The following PXT1 variants were observed in gnomAD, a reference collection of about 807,000 sequenced individuals.
The protein encoded by PXT1 is peroxisomal testis enriched protein 1.
PXT1 carries 11 observed loss-of-function variants against 11.0 expected under a neutral mutation model. The ratio of observed to expected loss-of-function variants is 1.00; its 90% confidence interval spans 0.63 to 1.66. The LOEUF is 1.66. Ranked by LOEUF, PXT1 falls within the 40% of genes most tolerant of loss-of-function variation. The probability of loss-of-function intolerance (pLI) is 0.00; values close to 1 mark genes in which losing one functional copy is unlikely to be tolerated. For synonymous variants in PXT1, 43 were observed against 51.4 expected (o/e 0.84, Z 0.70); for missense variants, 141 against 155.5 (o/e 0.91, Z 0.49).
At chr6:36,417,635 G>A (rs1774468203) in intron 3 of PXT1, among the ~76,000 whole-genome samples, 1 of 151,066 alleles carries the variant, frequency 6.6e-6, no homozygotes, top group Non-Finnish European at 1.5e-5. Flanking sequence ...GGGCGTGGTG[G>A]TGTACGCCTG....
At chr6:36,395,725 C>T (rs1297279367) in intron 4 of PXT1, among the ~76,000 whole-genome samples, 2 of 151,992 alleles carry the variant, frequency 1.3e-5, no homozygotes, top group Non-Finnish European at 2.9e-5. Flanking sequence ...CTAGGCTGAG[C>T]GCGGTGGCTC....
intron 3 of PXT1, among the ~76,000 whole-genome samples, chr6:36,408,644 T>A (rs1328508523): frequency 7.3e-6 from 1 of 136,486 alleles, no homozygotes; most frequent in Non-Finnish European, 1.5e-5. Flanking sequence ...TGGGGGAGGA[T>A]CCCTTGAGCC....
chr6:36,421,341 G>T (rs1774522515), intron 3 of PXT1, among the ~76,000 whole-genome samples: 1 of 151,790 alleles, frequency 6.6e-6, no homozygotes, highest in Admixed American at 6.6e-5. Context: ...CATACCTATG[G>T]TCCCAGCTAC....
At chr6:36,396,253 G>A (rs1233014704) in intron 4 of PXT1, among the ~76,000 whole-genome samples, 1 of 152,214 alleles carries the variant, frequency 6.6e-6, no homozygotes, top group Non-Finnish European at 1.5e-5. Context: ...GCAGCAGGAA[G>A]GTGCAGCTGG....
chr6:36,423,304 C>T (rs897531398), intron 3 of PXT1, among the ~76,000 whole-genome samples: 1 of 152,270 alleles, frequency 6.6e-6, no homozygotes, highest in East Asian at 1.9e-4. Flanking sequence ...CGCCAGAGAG[C>T]GCCGCCAGGT....
chr6:36,422,539 C>A (rs1561931336), intron 3 of PXT1, among the ~76,000 whole-genome samples: 2 of 152,118 alleles, frequency 1.3e-5, no homozygotes, highest in Non-Finnish European at 2.9e-5. Flanking sequence ...CCAGACCATA[C>A]GCTCCATGAC....
At chr6:36,433,159 G>A (rs1002291528) in intron 2 of PXT1, among the ~76,000 whole-genome samples, 1 of 151,562 alleles carries the variant, frequency 6.6e-6, no homozygotes, top group Non-Finnish European at 1.5e-5. Context: ...GGAGGAATCA[G>A]GGGGGAAAAG....
chr6:36,435,583 C>T lies in PXT1; in HGVS notation c.-10+3184G>A, dbSNP rs370702020. Among the ~76,000 whole-genome samples, 59 of 152,030 alleles carry T rather than the reference C, an allele frequency of 3.9e-4. 4 individuals are homozygous for T. In the South Asian group the frequency reaches 0.011, roughly 29 times the overall value. On this transcript the variant is annotated intron_variant, in intron 2 of 4. Coordinates refer to ENST00000454782, the MANE Select transcript of PXT1 (RefSeq NM_152990.4). ...TCCCTAAGAAAAGAAAAGAAACAAA[C>T]AAATGCAAGAAAACATCGCAGAACA...
chr6:36,429,408 G>A (rs1375131120), intron 2 of PXT1, among the ~76,000 whole-genome samples: 1 of 146,280 alleles, frequency 6.8e-6, no homozygotes, highest in Non-Finnish European at 1.5e-5. Flanking sequence ...TTTAGTTGAT[G>A]TATGTTGTCT....
At chr6:36,410,144 G>GA (rs1554152375) in intron 3 of PXT1, among the ~76,000 whole-genome samples, 1 of 140,464 alleles carries the variant, frequency 7.1e-6, no homozygotes, top group East Asian at 2.2e-4. Context: ...AAGGAAGGAA[G>GA]GAGAGAGAGA....
chr6:36,431,441 AAG>A (rs1398591511), intron 2 of PXT1, among the ~76,000 whole-genome samples: 5 of 152,168 alleles, frequency 3.3e-5, no homozygotes, highest in Admixed American at 6.5e-5. Context: ...TAGCAGAAGA[AAG>A]AGGCTATATT....
At position 36,426,086 on chromosome 6, in the gene PXT1, T is replaced by G; in HGVS notation, c.-4A>C. ...TGCCATCATGTTTTTTCTTCATGTT[T>G]TTTCCCTGTTGAAAAACATATTTTC... On this transcript the variant is annotated 5_prime_UTR_variant, in exon 3 of 5. Coordinates refer to ENST00000454782, the MANE Select transcript of PXT1 (RefSeq NM_152990.4). 1 of 1,502,278 alleles carries G rather than the reference T, an allele frequency of 6.7e-7. No individual in the cohort carries two copies. The highest frequency in any genetic ancestry group is 1.4e-5 in the African/African-American group (1 of 71,512). 93.1% of individuals were successfully genotyped at this position (1,502,278 alleles called of 1,614,324 possible).
chr6:36,425,885 T>C, intron 3 of PXT1, 29 bp downstream of exon 3: 2 of 1,480,756 alleles, frequency 1.4e-6, no homozygotes, highest in Middle Eastern at 1.7e-4. Context: ...AAGTAAACTA[T>C]TTATCTTAGT....
intron 3 of PXT1, among the ~76,000 whole-genome samples, chr6:36,414,592 A>C (rs1302568776): frequency 6.6e-6 from 1 of 152,172 alleles, no homozygotes. Context: ...TCTCAAGGTA[A>C]AGTCATTCCA....
At chr6:36,441,005 G>A (rs1265102575) in intron 1 of PXT1, among the ~76,000 whole-genome samples, 1 of 151,752 alleles carries the variant, frequency 6.6e-6, no homozygotes, top group African/African-American at 2.4e-5. Context: ...AGTGGCTCAT[G>A]CCTGTAATCC....
chr6:36,421,163 A>G (rs1774519654), intron 3 of PXT1, among the ~76,000 whole-genome samples: 1 of 152,108 alleles, frequency 6.6e-6, no homozygotes, highest in South Asian at 2.1e-4. Context: ...AAAAAACAAC[A>G]ACAACAACGA....
chr6:36,433,628 G>A (rs1407283696), intron 2 of PXT1, among the ~76,000 whole-genome samples: 1 of 151,590 alleles, frequency 6.6e-6, no homozygotes, highest in Non-Finnish European at 1.5e-5. Flanking sequence ...GACCATCCTG[G>A]CTAACATGAT....
At chr6:36,394,913 C>T (rs1351545797) in intron 4 of PXT1, among the ~76,000 whole-genome samples, 1 of 151,998 alleles carries the variant, frequency 6.6e-6, no homozygotes, top group Admixed American at 6.6e-5. Flanking sequence ...GCAATCCTCC[C>T]ACTTCAGCCT....
intron 3 of PXT1, among the ~76,000 whole-genome samples, chr6:36,411,360 A>G (rs560483667): frequency 1.4e-4 from 21 of 152,302 alleles, no homozygotes; most frequent in African/African-American, 4.8e-4. Context: ...CTGAGGCAGG[A>G]GAATCGCTTG....
Sources: allele counts gnomAD v4.1 joint callset (sites outside exome capture counted in the v4.1 genomes callset), GRCh38; gene constraint gnomAD v4.1.1; transcripts MANE v1.5; gene names NCBI Gene and HGNC (gene_info 2026-07-23, HGNC 2026-07-21).